Variants in CDIN1 observed in about 807,000 individuals in gnomAD.
CDIN1 encodes the protein CDAN1-interacting nuclease 1.
Under a neutral mutation model 45.3 loss-of-function variants are expected in CDIN1, and 33 were observed. The observed-to-expected ratio is 0.73, with a 90% CI of 0.55 to 0.97. The LOEUF is 0.97. CDIN1 is among the 50% of genes least tolerant of loss of function. The pLI is 0.00. For synonymous variants in CDIN1, 118 were observed against 124.4 expected (o/e 0.95, Z 0.34); for missense variants, 303 against 339.4 (o/e 0.89, Z 0.84).
At chr15:36,775,412 C>T (rs2054193648) in intron 10 of CDIN1, among the ~76,000 whole-genome samples, 1 of 152,208 alleles carries the variant, frequency 6.6e-6, no homozygotes, top group Middle Eastern at 3.2e-3. Flanking sequence ...GAATTCTCGG[C>T]TGGCACGGAC....
intron 1 of CDIN1, among the ~76,000 whole-genome samples, chr15:36,611,675 G>T (rs2038656208): frequency 6.6e-6 from 1 of 152,138 alleles, no homozygotes; most frequent in Admixed American, 6.5e-5. Context: ...TTTGGGAATC[G>T]AATACTTTAT....
At chr15:36,647,863 G>T (rs561675304) in intron 3 of CDIN1, among the ~76,000 whole-genome samples, 1 of 147,130 alleles carries the variant, frequency 6.8e-6, no homozygotes, top group Non-Finnish European at 1.5e-5. Context: ...TTTTTGAGAC[G>T]GAGTCTCACT....
chr15:36,686,423 G>T (rs1233543737), intron 5 of CDIN1, among the ~76,000 whole-genome samples: 1 of 120,462 alleles, frequency 8.3e-6, no homozygotes, highest in Non-Finnish European at 1.7e-5. Context: ...GGTGGGGGGC[G>T]GGGGAGGGAT....
chr15:36,782,963 A>T (rs1028073387), intron 10 of CDIN1, among the ~76,000 whole-genome samples: 3 of 152,174 alleles, frequency 2.0e-5, no homozygotes, highest in African/African-American at 7.2e-5. Context: ...AGAAATCTTC[A>T]TTTTTCCCTC....
intron 10 of CDIN1, among the ~76,000 whole-genome samples, chr15:36,798,114 T>A (rs2054880586): frequency 6.6e-6 from 1 of 152,020 alleles, no homozygotes; most frequent in Non-Finnish European, 1.5e-5. Flanking sequence ...TAGAGTGATA[T>A]TCATTTGTGT....
At chr15:36,631,174 T>C (rs559058721) in intron 1 of CDIN1, among the ~76,000 whole-genome samples, 2 of 152,310 alleles carry the variant, frequency 1.3e-5, no homozygotes, top group East Asian at 1.9e-4. Flanking sequence ...ACATTTAAAA[T>C]TTTGTATTTA....
At chr15:36,617,218 C>A in intron 1 of CDIN1, 1 of 866,602 alleles carries the variant, frequency 1.2e-6, no homozygotes, top group Non-Finnish European at 2.0e-6. Flanking sequence ...AAGCTCTTGG[C>A]ATGAAACAGC....
At position 36,703,269 on chromosome 15, in the gene CDIN1, T is replaced by A. The variant is rs1242241227; in HGVS notation, c.544+5879T>A. On this transcript the variant is annotated intron_variant, in intron 8 of 10. Coordinates refer to ENST00000566621, the MANE Select transcript of CDIN1 (RefSeq NM_001321759.2). ...TATATCAGAAAGGGATATATATATC[T>A]GATAGATCTATCAGATATATACATA... Among the ~76,000 whole-genome samples the A allele has an allele frequency of 8.9e-4, 88 of 99,066 alleles. 1 individual carries two copies. The highest frequency in any genetic ancestry group is 2.7e-3 in the African/African-American group (54 of 20,256). 65.0% of individuals were successfully genotyped at this position (99,066 alleles called of 152,430 possible).
chr15:36,579,645 C>G lies in CDIN1; in HGVS notation c.-216C>G. Reference sequence around the variant, plus strand: ...TAGGGCACTCTGGTGTACAGCCAGTCCCCGCCGCGGAGGTGCCGGTGGAGC... The same window carrying G: ...TAGGGCACTCTGGTGTACAGCCAGTGCCCGCCGCGGAGGTGCCGGTGGAGC... On this transcript the variant is annotated 5_prime_UTR_variant, in exon 1 of 11. Transcript: ENST00000566621. The G allele has an allele frequency of 1.9e-6, 1 of 521,360 alleles. No individual in the cohort carries two copies. Among genetic ancestry groups the G allele is most frequent in the Non-Finnish European group, 3.4e-6 (1 of 292,166 alleles). The allele number at this position is 521,360 out of a possible 1,614,324, so 32.3% of individuals were successfully genotyped here.
intron 10 of CDIN1, among the ~76,000 whole-genome samples, chr15:36,768,752 A>G (rs2053991066): frequency 6.6e-6 from 1 of 152,140 alleles, no homozygotes; most frequent in Non-Finnish European, 1.5e-5. Flanking sequence ...GCTCTGGCGA[A>G]GCAAATCAAG....
At chr15:36,709,776 C>A in intron 9 of CDIN1, 80 bp from the exon 10 acceptor site, 1 of 1,028,224 alleles carries the variant, frequency 9.7e-7, no homozygotes, top group Non-Finnish European at 1.5e-6. Flanking sequence ...TAATGTGAAG[C>A]ATAGAGAGGC....
rs1241353705 is a variant in CDIN1 at position 36,579,720 on chromosome 15, CA to C, written c.-140del. The C allele has an allele frequency of 1.1e-5, 7 of 640,730 alleles. No homozygotes were observed. The highest frequency in any genetic ancestry group is 1.9e-5 in the Non-Finnish European group (7 of 373,938). 39.7% of individuals were successfully genotyped at this position (640,730 alleles called of 1,614,324 possible). ...CGCTTTTGCAGCTAGGGGTGTGTTTCAGGGGGGATTGGGGCAAGCCAAGCAG... is the reference window on the plus strand; with the variant it reads ...CGCTTTTGCAGCTAGGGGTGTGTTTCGGGGGGATTGGGGCAAGCCAAGCAG... On this transcript the variant is annotated 5_prime_UTR_variant, in exon 1 of 11. Coordinates refer to ENST00000566621, the MANE Select transcript of CDIN1 (RefSeq NM_001321759.2).
At chr15:36,807,197 G>A (rs1002336771) in intron 10 of CDIN1, among the ~76,000 whole-genome samples, 1 of 152,170 alleles carries the variant, frequency 6.6e-6, no homozygotes, top group Non-Finnish European at 1.5e-5. Context: ...GTATCTCGCA[G>A]CCCATCCTGT....
intron 8 of CDIN1, among the ~76,000 whole-genome samples, chr15:36,699,589 T>C (rs947249749): frequency 6.6e-6 from 1 of 152,188 alleles, no homozygotes; most frequent in Non-Finnish European, 1.5e-5. Flanking sequence ...CATCTTTTAA[T>C]ATATTAACCC....
chr15:36,726,079 TA>T (rs2043613918), intron 10 of CDIN1, among the ~76,000 whole-genome samples: 1 of 152,238 alleles, frequency 6.6e-6, no homozygotes, highest in Non-Finnish European at 1.5e-5. Flanking sequence ...TAAATGAAAT[TA>T]AGATACTTTT....
At position 36,797,439 on chromosome 15, in the gene CDIN1, A is replaced by G. The variant is rs141439768; in HGVS notation, c.717-10885A>G. Among the ~76,000 whole-genome samples, 114 of 152,306 alleles carry G rather than the reference A, an allele frequency of 7.5e-4. 1 individual carries two copies. The highest frequency in any genetic ancestry group is 2.7e-3 in the African/African-American group (112 of 41,572). On this transcript the variant is annotated intron_variant, in intron 10 of 10. Coordinates refer to ENST00000566621, the MANE Select transcript of CDIN1 (RefSeq NM_001321759.2). ...TGTGCAGCAATTGGCTCCCAAGTGC[A>G]GTCTTTCCTCCTAGCAGCCAATTCT...
chr15:36,609,304 C>T (rs1041426553), intron 1 of CDIN1, among the ~76,000 whole-genome samples: 4 of 152,204 alleles, frequency 2.6e-5, no homozygotes, highest in African/African-American at 9.7e-5. Context: ...GCGTGAGCCA[C>T]CGCACCTGGC....
At chr15:36,619,397 T>C (rs12906958) in intron 1 of CDIN1, 97,410 of 342,852 alleles carry the variant, frequency 0.28, 15,800 homozygotes, top group Middle Eastern at 0.38. Context: ...CTTAAATCAT[T>C]ATGGATTTTG....
intron 1 of CDIN1, among the ~76,000 whole-genome samples, chr15:36,621,629 G>A: frequency 6.6e-6 from 1 of 152,030 alleles, no homozygotes; most frequent in Non-Finnish European, 1.5e-5. Context: ...TGCTTATTTT[G>A]GTTTACTAAG....
Sources: allele counts gnomAD v4.1 joint callset (sites outside exome capture counted in the v4.1 genomes callset), GRCh38; gene constraint gnomAD v4.1.1; transcripts MANE v1.5; gene names NCBI Gene and HGNC (gene_info 2026-07-23, HGNC 2026-07-21).